EHBP1: variants seen among roughly 807,000 people sequenced by gnomAD.
EHBP1 encodes EH domain binding protein 1.
A neutral mutation model predicts 144.0 loss-of-function variants in EHBP1; 55 were observed. That is an observed-to-expected ratio of 0.38 (90% CI 0.31 to 0.48). The LOEUF is 0.48. Among genes scored for constraint, EHBP1 ranks in the 20% least tolerant of loss-of-function variants. EHBP1 has a pLI of 0.98. For missense variants in EHBP1, 1,200 were observed against 1,364.2 expected (o/e 0.88, Z 1.90); for synonymous variants, 469 against 472.7 (o/e 0.99, Z 0.10).
At chr2:62,816,385 T>G (rs2045451785) in intron 5 of EHBP1, among the ~76,000 whole-genome samples, 1 of 152,222 alleles carries the variant, frequency 6.6e-6, no homozygotes. Context: ...AAATGTTTTC[T>G]AGATTGTTAG....
intron 10 of EHBP1, among the ~76,000 whole-genome samples, chr2:62,892,199 T>A (rs2052517990): frequency 6.6e-6 from 1 of 152,184 alleles, no homozygotes. Context: ...CTGAAGCTAT[T>A]TTTCCACCAC....
intron 19 of EHBP1, among the ~76,000 whole-genome samples, chr2:63,002,521 A>G (rs904662298): frequency 2.0e-5 from 3 of 152,122 alleles, no homozygotes; most frequent in African/African-American, 7.2e-5. Context: ...GGTTCAGTCA[A>G]TGTCACTTCT....
chr2:62,769,082 C>T (rs1243427366), intron 4 of EHBP1, among the ~76,000 whole-genome samples: 1 of 152,254 alleles, frequency 6.6e-6, no homozygotes, highest in East Asian at 1.9e-4. Flanking sequence ...GGAAGCATTC[C>T]CTTTGAAAAC....
chr2:62,970,105 T>C (rs78512381), intron 14 of EHBP1, among the ~76,000 whole-genome samples: 4 of 151,892 alleles, frequency 2.6e-5, no homozygotes, highest in Admixed American at 1.3e-4. Context: ...TTTTTTTTTT[T>C]TCGGTCCATT....
chr2:62,987,281 G>C (rs1209849760), intron 15 of EHBP1, among the ~76,000 whole-genome samples: 2 of 152,230 alleles, frequency 1.3e-5, no homozygotes, highest in African/African-American at 2.4e-5. Flanking sequence ...AAAAAATTAT[G>C]TAAGACTTTC....
chr2:62,885,985 T>C (rs2051894336), intron 10 of EHBP1, among the ~76,000 whole-genome samples: 1 of 152,244 alleles, frequency 6.6e-6, no homozygotes, highest in Non-Finnish European at 1.5e-5. Context: ...CTGAGGGTTT[T>C]CACTTGGATG....
At chr2:62,803,847 G>A (rs981233456) in intron 5 of EHBP1, among the ~76,000 whole-genome samples, 2 of 152,184 alleles carry the variant, frequency 1.3e-5, no homozygotes, top group Admixed American at 6.5e-5. Context: ...AAGTTGTAGA[G>A]CCAGATTGCC....
At chr2:62,686,435 C>A (rs1309006405) in intron 1 of EHBP1, among the ~76,000 whole-genome samples, 1 of 152,152 alleles carries the variant, frequency 6.6e-6, no homozygotes, top group Non-Finnish European at 1.5e-5. Context: ...TCCAGCCAAG[C>A]ATAAATAAGT....
At chr2:62,868,354 G>T (rs971184716) in intron 9 of EHBP1, among the ~76,000 whole-genome samples, 1 of 152,014 alleles carries the variant, frequency 6.6e-6, no homozygotes, top group Non-Finnish European at 1.5e-5. Flanking sequence ...ACTGCAGCCT[G>T]GGCAACAACA....
rs1170522337 is a variant in EHBP1 at position 62,771,365 on chromosome 2, CAA to C, written c.287_288del (p.Lys96ArgfsTer9). On this transcript the variant is annotated frameshift_variant, in exon 5 of 23. Coordinates refer to ENST00000431489, the MANE Select transcript of EHBP1 (RefSeq NM_001142616.3). LOFTEE classifies it high-confidence loss of function. ...KDPHAEEFED[K>X]EWTFVIENES... ...ATCCTCATGCGGAAGAATTTGAAGA[CAA>C]AGAGTGGACATTTGTCATAGAAAAT... 6 of 1,591,046 alleles carry C rather than the reference CAA, an allele frequency of 3.8e-6. No individual in the cohort carries two copies. The highest frequency in any genetic ancestry group is 5.1e-6 in the Non-Finnish European group (6 of 1,168,688).
chr2:63,036,423 T>C (rs1056997215), intron 19 of EHBP1, among the ~76,000 whole-genome samples: 1 of 151,850 alleles, frequency 6.6e-6, no homozygotes, highest in Non-Finnish European at 1.5e-5. Context: ...AGAAGGGAAG[T>C]GTGGGGTTGG....
At chr2:62,923,903 T>G (rs1440069591) in intron 10 of EHBP1, among the ~76,000 whole-genome samples, 2 of 152,116 alleles carry the variant, frequency 1.3e-5, no homozygotes, top group Non-Finnish European at 2.9e-5. Flanking sequence ...GAGAAGCAAC[T>G]CTGCGATCCA....
intron 7 of EHBP1, among the ~76,000 whole-genome samples, chr2:62,839,241 C>T (rs1421522983): frequency 6.6e-6 from 1 of 151,996 alleles, no homozygotes; most frequent in African/African-American, 2.4e-5. Flanking sequence ...AGACAAAAAC[C>T]CCATGATTAT....
intron 10 of EHBP1, among the ~76,000 whole-genome samples, chr2:62,923,829 A>G (rs982843676): frequency 6.6e-6 from 1 of 152,186 alleles, no homozygotes; most frequent in Non-Finnish European, 1.5e-5. Context: ...TAGGACTGCA[A>G]AACAGTCCTG....
At chr2:62,760,356 C>T (rs753618315) in intron 3 of EHBP1, among the ~76,000 whole-genome samples, 6 of 152,280 alleles carry the variant, frequency 3.9e-5, no homozygotes, top group Non-Finnish European at 8.8e-5. Flanking sequence ...AGCCAGAACT[C>T]GGTTAGACCT....
chr2:62,685,403 C>T (rs575146544), intron 1 of EHBP1, among the ~76,000 whole-genome samples: 1 of 152,028 alleles, frequency 6.6e-6, no homozygotes, highest in South Asian at 2.1e-4. Context: ...CTGTTTCATG[C>T]CCCTCCCCCA....
intron 10 of EHBP1, among the ~76,000 whole-genome samples, chr2:62,887,653 T>C (rs1415100509): frequency 6.6e-6 from 1 of 151,676 alleles, no homozygotes; most frequent in Admixed American, 6.6e-5. Context: ...GGTGGGAGGA[T>C]TGCTTGAGCC....
At chr2:62,694,246 A>G (rs1028451653) in intron 1 of EHBP1, among the ~76,000 whole-genome samples, 1 of 152,224 alleles carries the variant, frequency 6.6e-6, no homozygotes, top group South Asian at 2.1e-4. Context: ...GTTATCAACA[A>G]TATACTCTAG....
intron 19 of EHBP1, among the ~76,000 whole-genome samples, chr2:63,030,406 T>C (rs866852374): frequency 6.6e-6 from 1 of 151,688 alleles, no homozygotes; most frequent in Non-Finnish European, 1.5e-5. Flanking sequence ...TATATATATA[T>C]ATACACACAC....
Sources: gnomAD v4.1 joint callset for allele counts (sites outside exome capture counted in the v4.1 genomes callset) on GRCh38, gnomAD v4.1.1 for gene constraint, MANE v1.5 for transcripts, NCBI Gene and HGNC (gene_info 2026-07-23, HGNC 2026-07-21) for gene names.